GRAMD4: variants seen among roughly 807,000 people sequenced by gnomAD.
GRAMD4 encodes the protein GRAM domain containing 4.
GRAMD4 carries 25 observed loss-of-function variants against 83.9 expected under a neutral mutation model. The observed-to-expected ratio is 0.30, with a 90% CI of 0.22 to 0.42. GRAMD4 has a LOEUF of 0.42. Among genes scored for constraint, GRAMD4 ranks in the 10% least tolerant of loss-of-function variants. The probability of loss-of-function intolerance (pLI) is 1.00; values close to 1 mark genes in which losing one functional copy is unlikely to be tolerated. For synonymous variants in GRAMD4, 336 were observed against 320.9 expected (o/e 1.05, Z -0.50); for missense variants, 593 against 788.7 (o/e 0.75, Z 2.97).
chr22:46,666,546 T>G lies in GRAMD4; in HGVS notation c.810-279T>G, dbSNP rs1333416363. On this transcript the variant is annotated intron_variant, in intron 9 of 18. Transcript: ENST00000406902. ...GCTTGGACACTTGCTGATGCCACTT[T>G]GGATGTTGAAGGGCCGCCCTCTCCC... 3.9e-5 allele frequency among the ~76,000 whole-genome samples: 6 copies of G among 152,334 alleles called. 2 individuals are homozygous for G. The highest frequency in any genetic ancestry group is 3.9e-4 in the Admixed American group (6 of 15,310).
chr22:46,635,013 C>T lies in GRAMD4; in HGVS notation c.163-2827C>T, dbSNP rs555032590. 2.6e-5 allele frequency among the ~76,000 whole-genome samples: 4 copies of T among 152,218 alleles called. No homozygotes were observed. The East Asian group carries it at 7.7e-4, about 29-fold the overall frequency. ...TCCAGCACGCTTTTGAACTAGAGAG[C>T]AGCGGGCTGGGAGCCCAAGTGTCCT... is the stretch of plus-strand genomic sequence containing the variant. On this transcript the variant is annotated intron_variant, in intron 2 of 18. Transcript: ENST00000406902.
At chr22:46,591,259 G>A (rs111488615) in intron 1 of GRAMD4, among the ~76,000 whole-genome samples, 3,113 of 152,270 alleles carry the variant, frequency 0.02, 116 homozygotes, top group African/African-American at 0.072. Flanking sequence ...GCTCATGCCT[G>A]TAGTCCCAGC....
intron 3 of GRAMD4, among the ~76,000 whole-genome samples, chr22:46,644,428 CT>C (rs1166963725): frequency 1.3e-5 from 2 of 152,208 alleles, no homozygotes; most frequent in Non-Finnish European, 2.9e-5. Context: ...ACACCTGCCC[CT>C]GTTCCGTGTT....
intron 2 of GRAMD4, among the ~76,000 whole-genome samples, chr22:46,628,582 G>C (rs2081712670): frequency 6.7e-6 from 1 of 149,400 alleles, no homozygotes; most frequent in Admixed American, 6.7e-5. Flanking sequence ...GGGGCAGGTG[G>C]ACTGAGTGTG....
rs1047677087 is a variant in GRAMD4, at chr22:46,658,075, C to T, written c.284-112C>T. 72 of 1,323,186 alleles carry T rather than the reference C, an allele frequency of 5.4e-5. No homozygotes were observed. The African/African-American group carries it at 6.1e-4, about 11-fold the overall frequency. 82.0% of individuals were successfully genotyped at this position (1,323,186 alleles called of 1,614,324 possible). On this transcript the variant is annotated intron_variant, in intron 3 of 18. Transcript: ENST00000406902. Reference sequence around the variant, plus strand: ...AAGGTCAGGTGCTCAGGTCCGCTTACGGAGCAGAGACCCCTCTGCTGTTTC... The same window carrying T: ...AAGGTCAGGTGCTCAGGTCCGCTTATGGAGCAGAGACCCCTCTGCTGTTTC...
chr22:46,649,858 A>G (rs1439479074), intron 3 of GRAMD4, among the ~76,000 whole-genome samples: 1 of 152,228 alleles, frequency 6.6e-6, no homozygotes, highest in East Asian at 1.9e-4. Context: ...GGAAGGGGTT[A>G]AAAGGGCTGC....
upstream of GRAMD4, among the ~76,000 whole-genome samples, chr22:46,616,896 T>G (rs138871341): frequency 0.81 from 8,156 of 10,126 alleles, 3,859 homozygotes; most frequent in African/African-American, 0.9. Context: ...GTGCGTGTAG[T>G]TTCCCCCGTG....
Position 46,672,374 on chromosome 22 carries a change from G to C in GRAMD4, c.1085-469G>C, listed in dbSNP as rs1004926391. ...CTCTCAGCAGGGATGGGCTGGGCGTGGGGGGGCACCCAGTTGAAGAAGGGC... is the reference window on the plus strand; with the variant it reads ...CTCTCAGCAGGGATGGGCTGGGCGTCGGGGGGCACCCAGTTGAAGAAGGGC... On this transcript the variant is annotated intron_variant, in intron 13 of 18. Transcript: ENST00000406902. This position sits in a 1 kb window ranked among gnomAD's most constrained non-coding sequence, Gnocchi z 4.7. Among the ~76,000 whole-genome samples, 3 of 152,030 alleles carry C rather than the reference G, an allele frequency of 2.0e-5. No homozygotes were observed. Among genetic ancestry groups the C allele is most frequent in the Non-Finnish European group, 4.4e-5 (3 of 67,978 alleles).
chr22:46,639,835 G>A (rs1371908347), intron 3 of GRAMD4, among the ~76,000 whole-genome samples: 2 of 152,284 alleles, frequency 1.3e-5, no homozygotes, highest in Admixed American at 6.5e-5. Context: ...GGAGTGACTC[G>A]GTCTCTCCAT....
At chr22:46,618,879 G>T (rs1487962929), upstream of GRAMD4, among the ~76,000 whole-genome samples, 1 of 152,210 alleles carries the variant, frequency 6.6e-6, no homozygotes, top group Non-Finnish European at 1.5e-5. This position sits in a 1 kb window ranked among gnomAD's most constrained non-coding sequence, Gnocchi z 5.8. Flanking sequence ...GGTGGACACG[G>T]TGCCATCCAG....
intron 3 of GRAMD4, among the ~76,000 whole-genome samples, chr22:46,647,125 G>A (rs531906693): frequency 3.9e-5 from 6 of 152,280 alleles, no homozygotes; most frequent in African/African-American, 1.2e-4. Context: ...GCCAGACACT[G>A]GGTTGGTCTG....
upstream of GRAMD4, among the ~76,000 whole-genome samples, chr22:46,576,933 C>G (rs1388291167): frequency 6.9e-6 from 1 of 145,894 alleles, no homozygotes. Flanking sequence ...CGTGACCGAG[C>G]TGGCGCACGC....
At chr22:46,670,948 A>C in intron 13 of GRAMD4, 1 of 274,946 alleles carries the variant, frequency 3.6e-6, no homozygotes, top group Non-Finnish European at 8.4e-6. Context: ...GGGTTCTCAC[A>C]ACCACCCTGA....
intron 1 of GRAMD4, among the ~76,000 whole-genome samples, chr22:46,604,628 A>G (rs933371694): frequency 2.6e-5 from 4 of 152,232 alleles, no homozygotes; most frequent in African/African-American, 9.6e-5. Context: ...GGGACTGCAG[A>G]TAAGTGGAAT....
At chr22:46,576,424 A>G (rs149895021), upstream of GRAMD4, among the ~76,000 whole-genome samples, 20 of 152,274 alleles carry the variant, frequency 1.3e-4, no homozygotes, top group Non-Finnish European at 2.5e-4. Context: ...AGGTGGGCTT[A>G]GAGTGGGTCC....
chr22:46,601,688 C>T (rs931540946), intron 1 of GRAMD4, among the ~76,000 whole-genome samples: 7 of 151,980 alleles, frequency 4.6e-5, no homozygotes, highest in Non-Finnish European at 8.8e-5. Context: ...CCCAGCCACT[C>T]GGGAGGCTGA....
chr22:46,628,020 C>T (rs767794197), intron 2 of GRAMD4, among the ~76,000 whole-genome samples: 48 of 152,212 alleles, frequency 3.2e-4, no homozygotes, highest in Non-Finnish European at 1.0e-4. Context: ...AGGGGCCTGC[C>T]TTCGCCGGAG....
chr22:46,637,248 C>T (rs574362176), intron 2 of GRAMD4, among the ~76,000 whole-genome samples: 1 of 132,306 alleles, frequency 7.6e-6, no homozygotes. Flanking sequence ...CGCCACTTAT[C>T]CAGTTCCCTT....
intron 2 of GRAMD4, among the ~76,000 whole-genome samples, chr22:46,635,297 G>A (rs368504749): frequency 2.5e-4 from 12 of 47,286 alleles, no homozygotes; most frequent in Non-Finnish European, 1.1e-4. Context: ...CCCCGCCCCC[G>A]GCCACTCCTG....
Sources: gnomAD v4.1 joint callset for allele counts (sites outside exome capture counted in the v4.1 genomes callset) on GRCh38, gnomAD v4.1.1 for gene constraint, Gnocchi (gnomAD v3.1) non-coding constraint, MANE v1.5 for transcripts, NCBI Gene and HGNC (gene_info 2026-07-23, HGNC 2026-07-21) for gene names.